Variants in ARHGAP39 observed in about 807,000 individuals in gnomAD.
ARHGAP39 encodes the protein rho GTPase-activating protein 39.
A neutral mutation model predicts 106.9 loss-of-function variants in ARHGAP39; 44 were observed. That is an observed-to-expected ratio of 0.41 (90% CI 0.32 to 0.53). ARHGAP39 has a LOEUF of 0.53. ARHGAP39 is among the 20% of genes least tolerant of loss of function. ARHGAP39 has a pLI of 0.21. For synonymous variants in ARHGAP39, 768 were observed against 693.2 expected (o/e 1.11, Z -1.69); for missense variants, 1,496 against 1,577.3 (o/e 0.95, Z 0.87).
Position 144,545,559 on chromosome 8 carries a change from C to T in ARHGAP39, c.2211G>A (p.Arg737=). 2 of 1,613,738 alleles carry T rather than the reference C, an allele frequency of 1.2e-6. No individual in the cohort carries two copies. Among genetic ancestry groups the T allele is most frequent in the Non-Finnish European group, 1.7e-6 (2 of 1,180,020 alleles). The part of the protein sequence containing the change: ...IKKPMIVTSD[R]HVKKEACELF... ...GCTCGCAGGCCTCCTTCTTCACGTG[C>T]CGGTCGCTTGTCACGATCATGGGCT... The change falls in exon 6 of 12, where the codon CGG becomes CGA. Residue 737 remains arginine (R), a synonymous_variant. Transcript: ENST00000377307.
intron 1 of ARHGAP39, among the ~76,000 whole-genome samples, chr8:144,628,154 A>G (rs879348177): frequency 4.8e-4 from 73 of 152,300 alleles, no homozygotes; most frequent in African/African-American, 1.6e-3. Flanking sequence ...ACACAGAGAC[A>G]GCGTCCTCAG....
Position 144,679,032 on chromosome 8 carries a change from G to A in ARHGAP39, c.-82+6654C>T, listed in dbSNP as rs1174828130. On this transcript the variant is annotated intron_variant, in intron 1 of 11. Transcript: ENST00000377307. This position sits in a 1 kb window ranked among gnomAD's most constrained non-coding sequence, Gnocchi z 4.7. ...GGCAGCTGAGAGGGGGACCCAGCAC[G>A]CCAAAATTCTAGGTGGTGACCAAGC... Among the ~76,000 whole-genome samples, 2 of 152,158 alleles carry A rather than the reference G, an allele frequency of 1.3e-5. No individual in the cohort carries two copies. Among genetic ancestry groups the A allele is most frequent in the East Asian group, 1.9e-4 (1 of 5,186 alleles).
At chr8:144,563,952 C>T (rs1022325718) in intron 3 of ARHGAP39, among the ~76,000 whole-genome samples, 5 of 152,198 alleles carry the variant, frequency 3.3e-5, no homozygotes, top group African/African-American at 4.8e-5. Context: ...AAAGTTATTT[C>T]GATGTCAACT....
rs187546936 is a variant in ARHGAP39, at chr8:144,593,742, C to G, written c.80+11793G>C. Among the ~76,000 whole-genome samples, 16 of 152,110 alleles carry G rather than the reference C, an allele frequency of 1.1e-4. No individual in the cohort carries two copies. The South Asian group carries it at 3.1e-3, about 30-fold the overall frequency. The stretch of plus-strand genomic sequence containing the variant: ...CTGGGAGGTGGAGACTGCAGTGAGC[C>G]CTGATCTACTGCACTCCCGTCTGCG... On this transcript the variant is annotated intron_variant, in intron 2 of 11. Transcript: ENST00000377307.
chr8:144,585,048 AC>A lies in ARHGAP39; in HGVS notation c.81-3772del, dbSNP rs1218512327. 6.6e-6 allele frequency among the ~76,000 whole-genome samples: 1 copy of A among 152,148 alleles called. No homozygotes were observed. The highest frequency in any genetic ancestry group is 1.5e-5 in the Non-Finnish European group (1 of 68,018). The stretch of plus-strand genomic sequence containing the variant: ...AAGGAGAACCAGGCATCTCAGTGGA[AC>A]TTTGGTCTCCACCCAGAGCCAAGGT... On this transcript the variant is annotated intron_variant, in intron 2 of 11. Transcript: ENST00000377307. The surrounding 1 kb of genome is among the most constrained non-coding windows in gnomAD (Gnocchi z 4.6).
At chr8:144,612,776 G>C (rs1214049432) in intron 1 of ARHGAP39, among the ~76,000 whole-genome samples, 3 of 151,864 alleles carry the variant, frequency 2.0e-5, no homozygotes, top group Non-Finnish European at 4.4e-5. Context: ...CTGCACTCCA[G>C]CCAGGGGGAT....
intron 2 of ARHGAP39, among the ~76,000 whole-genome samples, chr8:144,583,712 G>A (rs1819085087): frequency 6.6e-6 from 1 of 152,246 alleles, no homozygotes; most frequent in African/African-American, 2.4e-5. Flanking sequence ...TGGCGGTGCT[G>A]TTGTGGGGGT....
rs770586223 is a variant in ARHGAP39 at position 144,537,787 on chromosome 8, C to G, written c.2548G>C (p.Glu850Gln). The change falls in exon 7 of 12, where the codon GAA (glutamate) becomes CAA (glutamine). Residue 850 changes from glutamate (E) to glutamine (Q), a missense_variant. Physicochemically the swap from Glu to Gln is conservative, Grantham distance 29. This residue lies in a region of ARHGAP39 where 470 missense variants were observed against 605.1 expected (regional missense o/e 0.78). Transcript: ENST00000377307. ...KVTQHIKELL[E>Q]RNTKKKSKLR... The stretch of plus-strand genomic sequence containing the variant: ...TTGGACTTCTTCTTAGTGTTTCTTT[C>G]CAGGAGCTCTTTTATGTGCTGTGTC... 1 of 1,614,172 alleles carries G rather than the reference C, an allele frequency of 6.2e-7. No individual in the cohort carries two copies. Among genetic ancestry groups the G allele is most frequent in the South Asian group, 1.1e-5 (1 of 91,092 alleles).
rs926585616 is a variant in ARHGAP39 at position 144,641,896 on chromosome 8, T to G, written c.-81-36201A>C. On this transcript the variant is annotated intron_variant, in intron 1 of 11. Transcript: ENST00000377307. This position sits in a 1 kb window ranked among gnomAD's most constrained non-coding sequence, Gnocchi z 5.2. Reference sequence around the variant, plus strand: ...CGGGTGGGCCACTGCAGCCACCCACTACCTCATCCTTGGCCCCTCGGCATA... The same window carrying G: ...CGGGTGGGCCACTGCAGCCACCCACGACCTCATCCTTGGCCCCTCGGCATA... Among the ~76,000 whole-genome samples, 1 of 152,216 alleles carries G rather than the reference T, an allele frequency of 6.6e-6. No individual in the cohort carries two copies. The highest frequency in any genetic ancestry group is 2.4e-5 in the African/African-American group (1 of 41,462).
At chr8:144,674,006 C>T (rs1381711102) in intron 1 of ARHGAP39, among the ~76,000 whole-genome samples, 3 of 152,160 alleles carry the variant, frequency 2.0e-5, no homozygotes, top group African/African-American at 7.2e-5. Flanking sequence ...CTTGGAGATG[C>T]CAGGAACCAC....
chr8:144,675,664 G>A (rs993601014), intron 1 of ARHGAP39, among the ~76,000 whole-genome samples: 2 of 151,112 alleles, frequency 1.3e-5, no homozygotes, highest in East Asian at 3.9e-4. Context: ...CGGTGGGTTC[G>A]TGGTCTTCCT....
chr8:144,605,929 G>A (rs1241407334), intron 1 of ARHGAP39: 4 of 406,768 alleles, frequency 9.8e-6, no homozygotes, highest in Non-Finnish European at 1.8e-5. Flanking sequence ...CCACCAGCCA[G>A]GATCCCCCCC....
At position 144,548,229 on chromosome 8, in the gene ARHGAP39, G is replaced by C; in HGVS notation, c.857C>G (p.Ser286Cys). Residue 286 changes from serine (S) to cysteine (C), a missense_variant, in exon 5 of 12, where the codon TCC becomes TGC. By Grantham distance (112) the Ser-to-Cys change is moderately radical. Around this residue, in one of 4 missense-constraint regions of ARHGAP39, gnomAD observed 905 missense variants for 816.4 expected, o/e 1.11. Transcript: ENST00000377307. This position sits in a 1 kb window ranked among gnomAD's most constrained non-coding sequence, Gnocchi z 7.4. ...CTTTCGGGGCTGGGCCAGCAGCGGG[G>C]AGCTGCTCCCTGGGAGCTCGGCCCT... is the stretch of plus-strand genomic sequence containing the variant. ...LKRAELPGSS[S>C]PLLAQPRKPS... 6 of 1,607,776 alleles carry C rather than the reference G, an allele frequency of 3.7e-6. No individual in the cohort carries two copies. Among genetic ancestry groups the C allele is most frequent in the East Asian group, 2.2e-5 (1 of 44,682 alleles).
intron 1 of ARHGAP39, among the ~76,000 whole-genome samples, chr8:144,650,167 C>A (rs1031695791): frequency 6.6e-6 from 1 of 151,870 alleles, no homozygotes; most frequent in African/African-American, 2.4e-5. Context: ...AAAAAAAATT[C>A]CTGGACACAT....
the ARHGAP39 span, among the ~76,000 whole-genome samples, chr8:144,692,124 C>A: frequency 6.6e-6 from 1 of 152,104 alleles, no homozygotes; most frequent in East Asian, 1.9e-4. Flanking sequence ...ACTGTTCTCT[C>A]CCCACAGCCT....
chr8:144,642,208 G>A (rs1821329589), intron 1 of ARHGAP39, among the ~76,000 whole-genome samples: 1 of 152,182 alleles, frequency 6.6e-6, no homozygotes, highest in Non-Finnish European at 1.5e-5. Flanking sequence ...AAGTGGGCTG[G>A]GTGCAGTGGC....
chr8:144,564,191 T>C (rs923913541), intron 3 of ARHGAP39, among the ~76,000 whole-genome samples: 2 of 152,244 alleles, frequency 1.3e-5, no homozygotes, highest in Admixed American at 6.5e-5. Flanking sequence ...TTTTTGCAGA[T>C]GAAGCATGTA....
intron 1 of ARHGAP39, among the ~76,000 whole-genome samples, chr8:144,668,850 A>C (rs911956830): frequency 6.6e-6 from 1 of 152,208 alleles, no homozygotes; most frequent in African/African-American, 2.4e-5. Context: ...AATTCAAGGG[A>C]TCCACCAGGA....
intron 10 of ARHGAP39, among the ~76,000 whole-genome samples, chr8:144,532,046 T>C (rs908629795): frequency 1.6e-5 from 2 of 123,228 alleles, no homozygotes; most frequent in Admixed American, 7.9e-5. Flanking sequence ...AGGCTAGACA[T>C]AGCAGGCACG....
Sources: gnomAD v4.1 joint callset for allele counts (sites outside exome capture counted in the v4.1 genomes callset) on GRCh38, gnomAD v4.1.1 for gene constraint, gnomAD v4.1.1 regional missense constraint, Gnocchi (gnomAD v3.1) non-coding constraint, MANE v1.5 for transcripts, NCBI Gene and HGNC (gene_info 2026-07-23, HGNC 2026-07-21) for gene names.